Variants in MINK1 observed in about 807,000 individuals in gnomAD.
MINK1 encodes misshapen like kinase 1.
A neutral mutation model predicts 178.4 loss-of-function variants in MINK1; 46 were observed. That is an observed-to-expected ratio of 0.26 (90% confidence interval 0.20 to 0.33). MINK1 has a LOEUF of 0.33. MINK1 is among the 10% of genes least tolerant of loss of function. The pLI, the probability that MINK1 is intolerant of heterozygous loss-of-function variation, is 1.00. For synonymous variants in MINK1, 797 were observed against 709.7 expected (o/e 1.12, Z -1.96); for missense variants, 1,366 against 1,814.9 (o/e 0.75, Z 4.49).
At position 4,896,831 on chromosome 17, in the gene MINK1, T is replaced by C. The variant is rs1464322896; in HGVS notation, c.3915+18T>C. The C allele has an allele frequency of 6.5e-7, 1 of 1,543,362 alleles. No individual in the cohort carries two copies. Among genetic ancestry groups the C allele is most frequent in the Admixed American group, 2.0e-5 (1 of 50,280 alleles). On this transcript the variant is annotated intron_variant, in intron 31 of 31. Coordinates refer to ENST00000355280, the MANE Select transcript of MINK1 (RefSeq NM_153827.5). This position sits in a 1 kb window ranked among gnomAD's most constrained non-coding sequence, Gnocchi z 4.6. ...ATGACAAGGTGGGAGGCTCCTTCCC[T>C]CTGAAAGCCCTGCTGTCCCGGCTGC...
In MINK1 at chr17:4,894,337, C is replaced by T. The variant is rs777397265; in HGVS notation, c.2808+26C>T. On this transcript the variant is annotated intron_variant, in intron 23 of 31. Transcript: ENST00000355280. The surrounding 1 kb of genome is among the most constrained non-coding windows in gnomAD (Gnocchi z 4.1). ...GTAAGTGGGCCGGAGGCAGGTCCGC[C>T]GGGAGAGAAGAGCCCTGGCGATGGG... 50 of 1,604,812 alleles carry T rather than the reference C, an allele frequency of 3.1e-5. No homozygotes were observed. The highest frequency in any genetic ancestry group is 2.0e-4 in the South Asian group (18 of 89,224).
At chr17:4,837,508 G>A (rs1909490809) in intron 1 of MINK1, among the ~76,000 whole-genome samples, 1 of 152,206 alleles carries the variant, frequency 6.6e-6, no homozygotes, top group East Asian at 1.9e-4. Flanking sequence ...GCCTCCAGCT[G>A]AGCGATGCCC....
chr17:4,881,067 G>A (rs368951295), intron 3 of MINK1, 27 bp downstream of exon 3: 2 of 1,534,420 alleles, frequency 1.3e-6, no homozygotes, highest in Non-Finnish European at 1.7e-6. Flanking sequence ...GGCAGTGGGA[G>A]GGTCGGACCA....
chr17:4,895,849 A>T lies in MINK1; in HGVS notation c.3364+17A>T. 1.2e-6 allele frequency: 2 copies of T among 1,612,228 alleles called. No homozygotes were observed. The highest frequency in any genetic ancestry group is 2.2e-5 in the East Asian group (1 of 44,830). On this transcript the variant is annotated intron_variant, in intron 27 of 31. Coordinates refer to ENST00000355280, the MANE Select transcript of MINK1 (RefSeq NM_153827.5). The surrounding 1 kb of genome is among the most constrained non-coding windows in gnomAD (Gnocchi z 4.3). ...ACCGTGTTGGTGAGGATGTCCCAACAGAGTGGCCAGCGCATACTTGTTCAT... is the reference window on the plus strand; with the variant it reads ...ACCGTGTTGGTGAGGATGTCCCAACTGAGTGGCCAGCGCATACTTGTTCAT...
In MINK1 at chr17:4,884,449, C is replaced by T. The variant is rs191972995; in HGVS notation, c.393C>T (p.Ala131=). 5.1e-5 allele frequency: 83 copies of T among 1,613,792 alleles called. No homozygotes were observed. The African/African-American group carries it at 8.7e-4, about 17-fold the overall frequency. ...KGNALKEDCI[A]YICREILRGL... ...ACGCCCTGAAGGAGGACTGTATCGC[C>T]TATATCTGCAGGGAGATCCTCAGGG... Residue 131 remains alanine (A), a synonymous_variant, in exon 5 of 32, where the codon GCC becomes GCT. Transcript: ENST00000355280.
intron 1 of MINK1, among the ~76,000 whole-genome samples, chr17:4,876,405 G>A (rs1243341226): frequency 1.3e-5 from 2 of 152,184 alleles, no homozygotes; most frequent in Non-Finnish European, 2.9e-5. Context: ...GCCGGGGCAC[G>A]TCTCCGCTCT....
At chr17:4,878,225 C>T (rs1967366887) in intron 1 of MINK1, 92 bp from the exon 2 acceptor site, 1 of 1,166,228 alleles carries the variant, frequency 8.6e-7, no homozygotes, top group Non-Finnish European at 1.2e-6. Flanking sequence ...TCTTCACTCC[C>T]ATATCTTGAC....
At chr17:4,847,021 A>G (rs897192608) in intron 1 of MINK1, 43 of 370,100 alleles carry the variant, frequency 1.2e-4, no homozygotes, top group African/African-American at 8.7e-4. Flanking sequence ...GTGTTTCACA[A>G]GTTAACAATG....
intron 1 of MINK1, among the ~76,000 whole-genome samples, chr17:4,864,942 G>C (rs1208242740): frequency 6.6e-6 from 1 of 152,144 alleles, no homozygotes; most frequent in African/African-American, 2.4e-5. Flanking sequence ...CCTCGGTCAG[G>C]TGTGCTCTCT....
intron 1 of MINK1, chr17:4,834,806 G>A (rs1909047149): frequency 1.9e-6 from 1 of 519,966 alleles, no homozygotes; most frequent in Non-Finnish European, 3.8e-6. Flanking sequence ...CCCCTGCTCA[G>A]ACTGTCTTCT....
At position 4,890,639 on chromosome 17, in the gene MINK1, A is replaced by ACAG. The variant is rs745423930; in HGVS notation, c.1484_1486dup (p.Gln495dup). On this transcript the variant is annotated inframe_insertion, in exon 14 of 32. Coordinates refer to ENST00000355280, the MANE Select transcript of MINK1 (RefSeq NM_153827.5). ...AGCAACAGCAGCAGCAGCTTCAGAAACAGCAGCAGCAGCAGCTCCTGCCTG... is the reference window on the plus strand; with the variant it reads ...AGCAACAGCAGCAGCAGCTTCAGAAACAGCAGCAGCAGCAGCAGCTCCTGCCTG... The ACAG allele has an allele frequency of 1.3e-5, 20 of 1,553,798 alleles. No individual in the cohort carries two copies.
rs1401499455 is a variant in MINK1, at chr17:4,878,313, C to G, written c.58-4C>G. ...CACAGTATTCTTCTGTCTCCTGCCC[C>G]TAGGACCCTGCTGGGATCTTTGAGC... On this transcript the variant is annotated splice_polypyrimidine_tract_variant and splice_region_variant and intron_variant, in intron 1 of 31. Coordinates refer to ENST00000355280, the MANE Select transcript of MINK1 (RefSeq NM_153827.5). The G allele has an allele frequency of 6.5e-7, 1 of 1,536,938 alleles. No homozygotes were observed. Among genetic ancestry groups the G allele is most frequent in the African/African-American group, 1.4e-5 (1 of 73,050 alleles).
At position 4,874,809 on chromosome 17, in the gene MINK1, A is replaced by G. The variant is rs78624630; in HGVS notation, c.58-3508A>G. On this transcript the variant is annotated intron_variant, in intron 1 of 31. Transcript: ENST00000355280. Reference sequence around the variant, plus strand: ...TTTTCAGGAAACCGACTTGAAACCCATTAAATGTCGATATCTGAACCCAGG... The same window carrying G: ...TTTTCAGGAAACCGACTTGAAACCCGTTAAATGTCGATATCTGAACCCAGG... 6.7e-3 allele frequency among the ~76,000 whole-genome samples: 1,017 copies of G among 152,246 alleles called. 15 individuals are homozygous for G. The highest frequency in any genetic ancestry group is 0.023 in the African/African-American group (935 of 41,530).
chr17:4,896,830 C>G lies in MINK1; in HGVS notation c.3915+17C>G, dbSNP rs780416335. Reference sequence around the variant, plus strand: ...AATGACAAGGTGGGAGGCTCCTTCCCTCTGAAAGCCCTGCTGTCCCGGCTG... The same window carrying G: ...AATGACAAGGTGGGAGGCTCCTTCCGTCTGAAAGCCCTGCTGTCCCGGCTG... On this transcript the variant is annotated intron_variant, in intron 31 of 31. Transcript: ENST00000355280. This position sits in a 1 kb window ranked among gnomAD's most constrained non-coding sequence, Gnocchi z 4.6. The G allele has an allele frequency of 1.3e-6, 2 of 1,543,898 alleles. No homozygotes were observed. Among genetic ancestry groups the G allele is most frequent in the Admixed American group, 2.0e-5 (1 of 50,394 alleles).
At chr17:4,867,148 T>G (rs866057731) in intron 1 of MINK1, among the ~76,000 whole-genome samples, 9,914 of 135,970 alleles carry the variant, frequency 0.073, 510 homozygotes, top group Non-Finnish European at 0.097. Context: ...GTTTTTTTTT[T>G]TTTTTTTTTT....
chr17:4,893,250 T>C, intron 20 of MINK1, 183 bp downstream of exon 20: 1 of 1,613,404 alleles, frequency 6.2e-7, no homozygotes, highest in Non-Finnish European at 8.5e-7. Context: ...TCCTAACCTC[T>C]CTTCTGGCTC....
intron 1 of MINK1, chr17:4,857,523 A>G (rs1223674513): frequency 7.0e-6 from 1 of 143,516 alleles, no homozygotes; most frequent in African/African-American, 2.6e-5. Flanking sequence ...CTGGAATGCA[A>G]TGGTGCGATC....
chr17:4,847,294 A>G (rs762242756), intron 1 of MINK1: 5 of 453,084 alleles, frequency 1.1e-5, no homozygotes, highest in Admixed American at 4.7e-5. Flanking sequence ...GCTGGAATGC[A>G]GTGGCGCAGT....
At chr17:4,868,010 T>C (rs1439186660) in intron 1 of MINK1, among the ~76,000 whole-genome samples, 1 of 151,354 alleles carries the variant, frequency 6.6e-6, no homozygotes, top group Non-Finnish European at 1.5e-5. Flanking sequence ...ACAGTCTTGC[T>C]CTGTTGCTTA....
Sources: allele counts gnomAD v4.1 joint callset (sites outside exome capture counted in the v4.1 genomes callset), GRCh38; gene constraint gnomAD v4.1.1; non-coding constraint Gnocchi (gnomAD v3.1); transcripts MANE v1.5; gene names NCBI Gene and HGNC (gene_info 2026-07-23, HGNC 2026-07-21).